The following KCNJ13 variants were observed in gnomAD, a reference collection of about 807,000 sequenced individuals.
KCNJ13 encodes the protein inward rectifier potassium channel 13.
A neutral mutation model predicts 24.6 loss-of-function variants in KCNJ13; 9 were observed. The observed-to-expected ratio is 0.37, with a 90% CI of 0.22 to 0.64. The LOEUF (loss-of-function observed/expected upper bound fraction) is 0.64, where lower values mean the gene tolerates loss of function less well. Ranked by LOEUF, KCNJ13 falls within the 30% of genes least tolerant of loss-of-function variation. The pLI is 0.64. For missense variants in KCNJ13, 337 were observed against 443.8 expected, an observed-to-expected ratio of 0.76 and a Z score of 2.16; for synonymous variants, 148 against 154.7, an observed-to-expected ratio of 0.96 and a Z score of 0.32.
chr2:232,776,228 G>A (rs1442375828), intron 1 of KCNJ13, among the ~76,000 whole-genome samples: 1 of 151,998 alleles, frequency 6.6e-6, no homozygotes, highest in Non-Finnish European at 1.5e-5. Flanking sequence ...TAATAAAACA[G>A]TTAAGAAAAT....
In KCNJ13 at chr2:232,768,738, G is replaced by A. The variant is rs1322060507; in HGVS notation, c.536C>T (p.Ala179Val). 1.2e-6 allele frequency: 2 copies of A among 1,601,336 alleles called. No homozygotes were observed. Among genetic ancestry groups the A allele is most frequent in the Non-Finnish European group, 8.5e-7 (1 of 1,170,486 alleles). Residue 179 changes from alanine to valine, a missense_variant, in exon 3 of 3, where the codon GCT becomes GTT. Around this residue, in one of 3 missense-constraint regions of KCNJ13, gnomAD observed 235 missense variants for 286.9 expected, o/e 0.82. Coordinates refer to ENST00000233826, the MANE Select transcript of KCNJ13 (RefSeq NM_002242.4). Reference protein sequence around the residue: ...SIRFTDTAVVAHMDGKPNLIF... With the variant: ...SIRFTDTAVVVHMDGKPNLIF... ...AAGATTAGGTTTGCCATCCATGTGA[G>A]CTACTACTGCTGTGTCAGTAAAGCG...
Position 232,767,952 on chromosome 2 carries a change from T to C in KCNJ13, c.*239A>G, listed in dbSNP as rs954108823. ...TAAATTCACCAGCAACATTTCTGTA[T>C]AAGTGTCTGTCAAGTTGAGTTACAT... On this transcript the variant is annotated 3_prime_UTR_variant, in exon 3 of 3. Transcript: ENST00000233826. 1.9e-6 allele frequency: 1 copy of C among 517,892 alleles called. No homozygotes were observed. Among genetic ancestry groups the C allele is most frequent in the African/African-American group, 1.9e-5 (1 of 52,110 alleles). 32.1% of individuals were successfully genotyped at this position (517,892 alleles called of 1,614,324 possible).
Position 232,771,322 on chromosome 2 carries a change from C to G in KCNJ13, c.41G>C (p.Ser14Thr), listed in dbSNP as rs1699237184. The G allele has an allele frequency of 6.2e-7, 1 of 1,612,220 alleles. No individual in the cohort carries two copies. The highest frequency in any genetic ancestry group is 1.1e-5 in the South Asian group (1 of 90,766). ...SNCKVIAPLL[S>T]QRYRRMVTKD... ...GGTGACCATCCTCCGGTATCTTTGA[C>G]TTAGGAGAGGAGCAATAACTTTGCA... Residue 14 changes from serine (S) to threonine (T), a missense_variant, in exon 2 of 3, where the codon AGT becomes ACT. Coordinates refer to ENST00000233826, the MANE Select transcript of KCNJ13 (RefSeq NM_002242.4).
rs747025947 is a variant in KCNJ13 at position 232,776,500 on chromosome 2, GA to G, written c.-73del. 1.2e-4 allele frequency: 150 copies of G among 1,215,662 alleles called. 1 individual carries two copies. In the Admixed American group the frequency reaches 1.3e-3, roughly 11 times the overall value. 75.3% of individuals were successfully genotyped at this position (1,215,662 alleles called of 1,614,324 possible). A position where few individuals can be genotyped will look rare whatever the true frequency, so the allele number is the denominator to read the frequency against. On this transcript the variant is annotated 5_prime_UTR_variant, in exon 1 of 3. Transcript: ENST00000233826. ...AAGGTAGGTCTTAAGGAAATTTACAGAGTCTGCCTTTTTGATCAGATAATTT... is the reference window on the plus strand; with the variant it reads ...AAGGTAGGTCTTAAGGAAATTTACAGGTCTGCCTTTTTGATCAGATAATTT...
chr2:232,768,307 G>A lies in KCNJ13; in HGVS notation c.967C>T (p.Pro323Ser). The change falls in exon 3 of 3, where the codon CCT becomes TCT. Residue 323 changes from proline (P) to serine (S), a missense_variant. Transcript: ENST00000233826. ...IKMENFDKTV[P>S]EFPTPLVSKS... Reference sequence around the variant, plus strand: ...GAAACCAGAGGAGTTGGAAATTCAGGGACAGTCTTGTCAAAATTCTCCATC... The same window carrying A: ...GAAACCAGAGGAGTTGGAAATTCAGAGACAGTCTTGTCAAAATTCTCCATC... 6.2e-7 allele frequency: 1 copy of A among 1,614,102 alleles called. No homozygotes were observed. Among genetic ancestry groups the A allele is most frequent in the Non-Finnish European group, 8.5e-7 (1 of 1,180,002 alleles).
At chr2:232,774,526 T>A (rs536130347) in intron 1 of KCNJ13, among the ~76,000 whole-genome samples, 29 of 152,304 alleles carry the variant, frequency 1.9e-4, no homozygotes, top group Middle Eastern at 3.4e-3. Flanking sequence ...AAGACAATTT[T>A]ACAAGTATAA....
chr2:232,772,882 C>G (rs1334832303), intron 1 of KCNJ13, among the ~76,000 whole-genome samples: 1 of 152,102 alleles, frequency 6.6e-6, no homozygotes, highest in South Asian at 2.1e-4. Context: ...TATCTCGGGA[C>G]TTTGAGGCTT....
Position 232,766,074 on chromosome 2 carries a change from G to A in KCNJ13, c.*2117C>T. On this transcript the variant is annotated 3_prime_UTR_variant, in exon 3 of 3. Coordinates refer to ENST00000233826, the MANE Select transcript of KCNJ13 (RefSeq NM_002242.4). ...CATTGTTACTTCCTTTTCCTCAGAGGATAATGGTCTTTCTATAGAAAACCT... is the reference window on the plus strand; with the variant it reads ...CATTGTTACTTCCTTTTCCTCAGAGAATAATGGTCTTTCTATAGAAAACCT... 3 of 466,742 alleles carry A rather than the reference G, an allele frequency of 6.4e-6. No individual in the cohort carries two copies. The highest frequency in any genetic ancestry group is 1.3e-5 in the Non-Finnish European group (3 of 224,854). 28.9% of individuals were successfully genotyped at this position (466,742 alleles called of 1,614,324 possible). A position where few individuals can be genotyped will look rare whatever the true frequency, so the allele number is the denominator to read the frequency against.
rs1193615053 is a variant in KCNJ13 at position 232,767,279 on chromosome 2, AT to A, written c.*911del. ...TTTTTTCCCTACTCACTCAAGTTAT[AT>A]CTAAGTAAAGCTTTATATCTATAAA... On this transcript the variant is annotated 3_prime_UTR_variant, in exon 3 of 3. Coordinates refer to ENST00000233826, the MANE Select transcript of KCNJ13 (RefSeq NM_002242.4). 3 of 152,152 alleles carry A rather than the reference AT, an allele frequency of 2.0e-5. No individual in the cohort carries two copies. Among genetic ancestry groups the A allele is most frequent in the Non-Finnish European group, 4.4e-5 (3 of 68,022 alleles). The allele number at this position is 152,152 out of a possible 1,614,324, so 9.4% of individuals were successfully genotyped here. A position where few individuals can be genotyped will look rare whatever the true frequency, so the allele number is the denominator to read the frequency against.
At chr2:232,775,815 T>C (rs1190252601) in intron 1 of KCNJ13, among the ~76,000 whole-genome samples, 1 of 152,226 alleles carries the variant, frequency 6.6e-6, no homozygotes, top group Non-Finnish European at 1.5e-5. Flanking sequence ...GGCATTACTA[T>C]GTATTTGTTC....
chr2:232,768,422 C>T lies in KCNJ13; in HGVS notation c.852G>A (p.Arg284=), dbSNP rs1260346479. Residue 284 remains arginine, a synonymous_variant, in exon 3 of 3, where the codon AGG becomes AGA. Transcript: ENST00000233826. ...MQEGTGEICQ[R]RTSYLPSEIM... ...TTTCAGACGGTAGGTAGGATGTCCT[C>T]CTTTGGCATATTTCTCCAGTGCCCT... The T allele has an allele frequency of 1.2e-6, 2 of 1,614,182 alleles. No individual in the cohort carries two copies. Among genetic ancestry groups the T allele is most frequent in the East Asian group, 2.2e-5 (1 of 44,892 alleles).
rs550871687 is a variant in KCNJ13, at chr2:232,770,672, G to A, written c.460+231C>T. On this transcript the variant is annotated intron_variant, in intron 2 of 2. Coordinates refer to ENST00000233826, the MANE Select transcript of KCNJ13 (RefSeq NM_002242.4). ...ATCATACTGATCTCTTTTTTCTTAAGTAGTTACAGTAAGTAAAATTTTGGC... is the reference window on the plus strand; with the variant it reads ...ATCATACTGATCTCTTTTTTCTTAAATAGTTACAGTAAGTAAAATTTTGGC... Among the ~76,000 whole-genome samples, 9 of 151,398 alleles carry A rather than the reference G, an allele frequency of 5.9e-5. No individual in the cohort carries two copies. In the East Asian group the frequency reaches 1.7e-3, roughly 29 times the overall value.
At chr2:232,771,886 G>A (rs1431414754) in intron 1 of KCNJ13, among the ~76,000 whole-genome samples, 2 of 152,188 alleles carry the variant, frequency 1.3e-5, no homozygotes, top group African/African-American at 4.8e-5. Flanking sequence ...ATCCTTTGAA[G>A]CCAGATTTAG....
At chr2:232,776,075 G>T (rs1699499419) in intron 1 of KCNJ13, among the ~76,000 whole-genome samples, 1 of 145,462 alleles carries the variant, frequency 6.9e-6, no homozygotes, top group Non-Finnish European at 1.6e-5. Context: ...TATTCTTTTG[G>T]CATTTGTTTT....
chr2:232,769,729 G>A (rs761176302), intron 2 of KCNJ13, among the ~76,000 whole-genome samples: 8 of 151,950 alleles, frequency 5.3e-5, no homozygotes, highest in Non-Finnish European at 1.0e-4. Context: ...TGTTGGTAAG[G>A]TCTAAGAAGT....
At position 232,771,298 on chromosome 2, in the gene KCNJ13, G is replaced by A. The variant is rs1216035247; in HGVS notation, c.65C>T (p.Thr22Ile). 1 of 1,610,450 alleles carries A rather than the reference G, an allele frequency of 6.2e-7. No individual in the cohort carries two copies. Among genetic ancestry groups the A allele is most frequent in the Non-Finnish European group, 8.5e-7 (1 of 1,178,170 alleles). Residue 22 changes from threonine to isoleucine, a missense_variant, in exon 2 of 3, where the codon ACC becomes ATC. Physicochemically the swap from Thr to Ile is moderately conservative, Grantham distance 89. Around this residue, in one of 3 missense-constraint regions of KCNJ13, gnomAD observed 101 missense variants for 139.2 expected, o/e 0.73. Transcript: ENST00000233826. ...LLSQRYRRMV[T>I]KDGHSTLQMD... ...TTGAAGTGTGCTGTGGCCATCCTTGGTGACCATCCTCCGGTATCTTTGACT... is the reference window on the plus strand; with the variant it reads ...TTGAAGTGTGCTGTGGCCATCCTTGATGACCATCCTCCGGTATCTTTGACT...
At position 232,771,127 on chromosome 2, in the gene KCNJ13, G is replaced by T; in HGVS notation, c.236C>A (p.Ala79Asp). The T allele has an allele frequency of 6.2e-7, 1 of 1,614,084 alleles. No homozygotes were observed. ...TAGTTCCAGATCACCATTCATCTCA[G>T]CCAGAACATACCAGAGCACTGCAAA... is the stretch of plus-strand genomic sequence containing the variant. ...LVFAVLWYVL[A>D]EMNGDLELDH... Residue 79 changes from alanine (A) to aspartate (D), a missense_variant, in exon 2 of 3, where the codon GCT (alanine) becomes GAT (aspartate). Ala to Asp is a moderately radical substitution (Grantham distance 126). Around this residue, in one of 3 missense-constraint regions of KCNJ13, gnomAD observed 101 missense variants for 139.2 expected, o/e 0.73. Transcript: ENST00000233826.
At chr2:232,774,030 C>CTA (rs1280098361) in intron 1 of KCNJ13, among the ~76,000 whole-genome samples, 1 of 150,684 alleles carries the variant, frequency 6.6e-6, no homozygotes, top group Non-Finnish European at 1.5e-5. Context: ...GCCTGTAACA[C>CTA]TAGCACTTTG....
At chr2:232,770,107 CTTG>C (rs780948203) in intron 2 of KCNJ13, among the ~76,000 whole-genome samples, 1 of 152,108 alleles carries the variant, frequency 6.6e-6, no homozygotes, top group Non-Finnish European at 1.5e-5. Context: ...TATAGGAACT[CTTG>C]TTGTAGAAGT....
Sources: allele counts gnomAD v4.1 joint callset (sites outside exome capture counted in the v4.1 genomes callset), GRCh38; gene constraint gnomAD v4.1.1; regional missense constraint gnomAD v4.1.1; transcripts MANE v1.5; gene names NCBI Gene and HGNC (gene_info 2026-07-23, HGNC 2026-07-21).